OR2T2: variants seen among roughly 807,000 people sequenced by gnomAD.
OR2T2 encodes olfactory receptor 2T2.
For synonymous variants in OR2T2, 50 were observed against 162.7 expected, an observed-to-expected ratio of 0.31 and a Z score of 5.27; for missense variants, 138 against 409.1, an observed-to-expected ratio of 0.34 and a Z score of 5.72.
intron 2 of OR2T2, among the ~76,000 whole-genome samples, chr1:248,447,128 A>G (rs1662681233): frequency 1.3e-5 from 2 of 151,968 alleles, no homozygotes; most frequent in Non-Finnish European, 2.9e-5. Context: ...GGAAAAGAGA[A>G]ATTCACATCA....
chr1:248,448,220 C>G (rs879502715), intron 2 of OR2T2, among the ~76,000 whole-genome samples: 965 of 150,724 alleles, frequency 6.4e-3, no homozygotes, highest in Non-Finnish European at 0.011. Flanking sequence ...CCCTCATAAG[C>G]TGACTTTGCC....
intron 2 of OR2T2, among the ~76,000 whole-genome samples, chr1:248,447,569 T>C (rs1216922252): frequency 6.7e-6 from 1 of 149,922 alleles, no homozygotes; most frequent in Admixed American, 6.7e-5. Flanking sequence ...TAATTCCCAT[T>C]TGCGAGCCTT....
At chr1:248,449,850 A>T (rs1662752497) in intron 2 of OR2T2, among the ~76,000 whole-genome samples, 1 of 110,490 alleles carries the variant, frequency 9.1e-6, no homozygotes. Flanking sequence ...TTTTGGAAAG[A>T]CTAGTTGATG....
chr1:248,447,541 T>C (rs1455141878), intron 2 of OR2T2, among the ~76,000 whole-genome samples: 1 of 148,904 alleles, frequency 6.7e-6, no homozygotes, highest in East Asian at 2.0e-4. Flanking sequence ...CCCTCTCTCT[T>C]CCACCCCTAG....
chr1:248,448,223 A>AT, intron 2 of OR2T2, among the ~76,000 whole-genome samples: 2 of 151,112 alleles, frequency 1.3e-5, no homozygotes, highest in Non-Finnish European at 2.9e-5. Flanking sequence ...TCATAAGCTG[A>AT]CTTTGCCAAG....
rs1479404654 is a variant in OR2T2 at position 248,445,688 on chromosome 1, C to T, written c.-246+19C>T. On this transcript the variant is annotated intron_variant, in intron 1 of 2. Transcript: ENST00000642130. ...CTCTGAGGTAGGATCCTTAGATCTT[C>T]ATGAAAAACAGAACATCACCCAGAT... The T allele has an allele frequency of 6.6e-6, 1 of 152,258 alleles. No individual in the cohort carries two copies. Among genetic ancestry groups the T allele is most frequent in the Non-Finnish European group, 1.5e-5 (1 of 68,094 alleles). 9.4% of individuals were successfully genotyped at this position (152,258 alleles called of 1,614,324 possible).
chr1:248,448,194 C>CT (rs1273142482), intron 2 of OR2T2, among the ~76,000 whole-genome samples: 2 of 149,690 alleles, frequency 1.3e-5, no homozygotes, highest in African/African-American at 2.5e-5. Context: ...AAGTTCTTGA[C>CT]TTAAGGAGAG....
At chr1:248,446,214 C>T (rs1662643525) in intron 1 of OR2T2, among the ~76,000 whole-genome samples, 1 of 141,830 alleles carries the variant, frequency 7.1e-6, no homozygotes, top group Admixed American at 6.9e-5. Context: ...ACCCATAAGG[C>T]ATCCACGTGT....
rs77680148 is a variant in OR2T2 at position 248,453,100 on chromosome 1, G to A, written c.303G>A (p.Gln101=). The change falls in exon 3 of 3, where the codon CAG becomes CAA. Residue 101 remains glutamine, a synonymous_variant. Coordinates refer to ENST00000642130, the Ensembl canonical transcript of OR2T2. Reference sequence around the variant, plus strand: ...TTTCCTTCCTGGGCTGTGCAGTTCAGATCTTCCTCTACCTGACCCTGATTG... The same window carrying A: ...TTTCCTTCCTGGGCTGTGCAGTTCAAATCTTCCTCTACCTGACCCTGATTG... 0.062 allele frequency: 84,626 copies of A among 1,367,646 alleles called. 4,138 individuals are homozygous for A. The highest frequency in any genetic ancestry group is 0.35 in the African/African-American group (18,942 of 54,298). The allele number at this position is 1,367,646 out of a possible 1,614,324, so 84.7% of individuals were successfully genotyped here.
chr1:248,450,347 CTTTTTTT>C (rs201321023), intron 2 of OR2T2, among the ~76,000 whole-genome samples: 1 of 139,122 alleles, frequency 7.2e-6, no homozygotes, highest in African/African-American at 3.1e-5. Context: ...CAAGGAACCT[CTTTTTTT>C]TTTTTTAACA....
chr1:248,450,348 T>A (rs1662766882), intron 2 of OR2T2, among the ~76,000 whole-genome samples: 1 of 8,904 alleles, frequency 1.1e-4, no homozygotes, highest in Non-Finnish European at 7.3e-4. Flanking sequence ...AAGGAACCTC[T>A]TTTTTTTTTT....
At chr1:248,454,014 A>C (rs935672831) in exon 3 of OR2T2, 1 of 487,868 alleles carries the variant, frequency 2.0e-6, no homozygotes, top group Non-Finnish European at 3.5e-6. Context: ...AGGATTACTT[A>C]GGAACAGTAG....
chr1:248,449,558 A>ACTCATCC (rs1219061966), intron 2 of OR2T2, among the ~76,000 whole-genome samples, 166 bp downstream of exon 3: 1 of 145,428 alleles, frequency 6.9e-6, no homozygotes, highest in African/African-American at 2.7e-5. Context: ...TGGCGAGCTC[A>ACTCATCC]CTCATCCCTC....
chr1:248,447,109 T>TA (rs1662680564), intron 2 of OR2T2, among the ~76,000 whole-genome samples: 1 of 151,684 alleles, frequency 6.6e-6, no homozygotes, highest in African/African-American at 2.4e-5. Flanking sequence ...GAACTGGAGA[T>TA]AAGGTAAGGG....
intron 2 of OR2T2, among the ~76,000 whole-genome samples, chr1:248,450,259 C>T (rs1662763217): frequency 1.4e-5 from 2 of 145,416 alleles, no homozygotes; most frequent in South Asian, 4.3e-4. Context: ...CTCACAGATG[C>T]ACACACCACA....
At chr1:248,445,767 T>A (rs1572906544) in intron 1 of OR2T2, 98 bp downstream of exon 1, 3 of 152,132 alleles carry the variant, frequency 2.0e-5, no homozygotes, top group Middle Eastern at 6.8e-3. Context: ...GCCACGTTAC[T>A]ACTGTGAGCT....
intron 2 of OR2T2, among the ~76,000 whole-genome samples, chr1:248,447,286 A>G (rs1322687119): frequency 6.6e-6 from 1 of 151,288 alleles, no homozygotes; most frequent in Non-Finnish European, 1.5e-5. Context: ...GCCAAAGCCC[A>G]CTGTGGCTAT....
intron 2 of OR2T2, among the ~76,000 whole-genome samples, chr1:248,449,634 C>G (rs1323110997): frequency 7.3e-6 from 1 of 137,122 alleles, no homozygotes; most frequent in Non-Finnish European, 1.5e-5. Context: ...CTCCACCTCT[C>G]GGCTTGATCT....
intron 2 of OR2T2, 141 bp from the exon 4 acceptor site, chr1:248,452,635 A>G (rs1181571303): frequency 3.4e-5 from 27 of 798,756 alleles, no homozygotes; most frequent in Non-Finnish European, 5.2e-5. Flanking sequence ...ACAGATCATT[A>G]ATACTGAAAC....
Sources: gnomAD v4.1 joint callset for allele counts (sites outside exome capture counted in the v4.1 genomes callset) on GRCh38, gnomAD v4.1.1 for gene constraint, MANE v1.5 for transcripts, NCBI Gene and HGNC (gene_info 2026-07-23, HGNC 2026-07-21) for gene names.